KCNIP4: variants seen among roughly 807,000 people sequenced by gnomAD.
KCNIP4 encodes Kv channel-interacting protein 4.
Under a neutral mutation model 34.0 loss-of-function variants are expected in KCNIP4, and 12 were observed. The observed-to-expected ratio is 0.35, with a 90% CI of 0.23 to 0.57. The LOEUF is 0.57. KCNIP4 is among the 20% of genes least tolerant of loss of function. The probability of loss-of-function intolerance (pLI) is 0.83; values close to 1 mark genes in which losing one functional copy is unlikely to be tolerated. For missense variants in KCNIP4, 238 were observed against 311.7 expected, an observed-to-expected ratio of 0.76 and a Z score of 1.78; for synonymous variants, 124 against 102.2, an observed-to-expected ratio of 1.21 and a Z score of -1.29.
intron 1 of KCNIP4, among the ~76,000 whole-genome samples, chr4:21,450,735 T>C (rs947426952): frequency 6.6e-6 from 1 of 152,176 alleles, no homozygotes; most frequent in Admixed American, 6.5e-5. Context: ...AGTGCTTCAG[T>C]TTATCAGTTA....
intron 1 of KCNIP4, among the ~76,000 whole-genome samples, chr4:21,782,003 T>C (rs933372731): frequency 2.6e-5 from 4 of 151,256 alleles, no homozygotes; most frequent in African/African-American, 9.7e-5. Context: ...AATGTTCAAG[T>C]AACCCAAAGA....
At chr4:20,930,497 A>G (rs965260932) in intron 1 of KCNIP4, among the ~76,000 whole-genome samples, 6 of 152,124 alleles carry the variant, frequency 3.9e-5, no homozygotes, top group African/African-American at 1.2e-4. Context: ...TACAGAATCG[A>G]AAATAAATAA....
intron 1 of KCNIP4, among the ~76,000 whole-genome samples, chr4:21,812,037 C>T (rs1721688746): frequency 6.6e-6 from 1 of 152,182 alleles, no homozygotes; most frequent in African/African-American, 2.4e-5. Flanking sequence ...TGGATAAATT[C>T]ATACATGTTT....
chr4:20,978,411 T>C (rs555445620), intron 1 of KCNIP4, among the ~76,000 whole-genome samples: 39 of 152,324 alleles, frequency 2.6e-4, no homozygotes, highest in African/African-American at 8.7e-4. Flanking sequence ...CATAATTTTC[T>C]TCAGTAACTT....
At chr4:21,608,665 A>G (rs558254175) in intron 1 of KCNIP4, 1 of 152,324 alleles carries the variant, frequency 6.6e-6, no homozygotes, top group East Asian at 1.9e-4. Context: ...GTAATATAAC[A>G]TAAAATAGTC....
intron 1 of KCNIP4, among the ~76,000 whole-genome samples, chr4:21,373,044 T>A (rs556130796): frequency 7.8e-6 from 1 of 127,962 alleles, no homozygotes; most frequent in Admixed American, 8.0e-5. Context: ...CATTAATTAG[T>A]CTTAATGGAT....
chr4:21,264,631 T>C (rs1761682489), intron 1 of KCNIP4, among the ~76,000 whole-genome samples: 2 of 152,230 alleles, frequency 1.3e-5, no homozygotes, highest in South Asian at 2.1e-4. Context: ...TATAAAGTTT[T>C]TGGAGCAGTC....
chr4:21,546,317 T>G (rs1738149289), intron 1 of KCNIP4, among the ~76,000 whole-genome samples: 1 of 152,116 alleles, frequency 6.6e-6, no homozygotes, highest in Non-Finnish European at 1.5e-5. Flanking sequence ...CTATCAGGAT[T>G]ACAAGATTTA....
At chr4:21,273,130 G>A (rs1322820381) in intron 1 of KCNIP4, among the ~76,000 whole-genome samples, 2 of 152,058 alleles carry the variant, frequency 1.3e-5, no homozygotes, top group Non-Finnish European at 2.9e-5. Flanking sequence ...CATCAAAAGT[G>A]GAAAAGGACA....
intron 1 of KCNIP4, among the ~76,000 whole-genome samples, chr4:21,055,044 AC>A (rs1743282604): frequency 6.6e-6 from 1 of 152,198 alleles, no homozygotes; most frequent in African/African-American, 2.4e-5. Context: ...TCCAAAGTAT[AC>A]AAAAAACTCT....
chr4:21,445,598 C>A (rs1727910527), intron 1 of KCNIP4, among the ~76,000 whole-genome samples: 1 of 152,192 alleles, frequency 6.6e-6, no homozygotes, highest in Admixed American at 6.5e-5. Flanking sequence ...TGGATCCCTT[C>A]CTTACACCTT....
chr4:21,814,146 G>A (rs976895712), intron 1 of KCNIP4, among the ~76,000 whole-genome samples: 2 of 152,104 alleles, frequency 1.3e-5, no homozygotes, highest in African/African-American at 2.4e-5. Flanking sequence ...TGGGAATCAC[G>A]AGGTTATAAT....
chr4:21,741,808 G>A (rs975442764), intron 1 of KCNIP4, among the ~76,000 whole-genome samples: 3 of 152,066 alleles, frequency 2.0e-5, no homozygotes, highest in Admixed American at 6.6e-5. Context: ...GGAAGCCAAG[G>A]CAGGCAGATC....
At chr4:21,143,316 G>T (rs1237873236) in intron 1 of KCNIP4, among the ~76,000 whole-genome samples, 1 of 152,200 alleles carries the variant, frequency 6.6e-6, no homozygotes, top group African/African-American at 2.4e-5. Flanking sequence ...TTGCTGGTTT[G>T]CAGATAGAGA....
At chr4:21,548,611 T>C (rs189550236) in intron 1 of KCNIP4, among the ~76,000 whole-genome samples, 6 of 152,002 alleles carry the variant, frequency 3.9e-5, no homozygotes, top group African/African-American at 4.8e-5. Flanking sequence ...CATAATCCAA[T>C]TGAATACTCA....
In KCNIP4 at chr4:21,374,549, AT is replaced by A. The variant is rs560627131; in HGVS notation, c.62-491841del. ...TTGGGTGGGGACATAGCTAAATCAT[AT>A]CAGTGAGCTTCATTACAAGTTTTAA... is the stretch of plus-strand genomic sequence containing the variant. On this transcript the variant is annotated intron_variant, in intron 1 of 8. Coordinates refer to ENST00000382152, the MANE Select transcript of KCNIP4 (RefSeq NM_025221.6). Among the ~76,000 whole-genome samples, 3 of 147,504 alleles carry A rather than the reference AT, an allele frequency of 2.0e-5. No homozygotes were observed. The East Asian group carries it at 6.0e-4, about 29-fold the overall frequency.
chr4:21,128,162 A>C (rs558637379), intron 1 of KCNIP4, among the ~76,000 whole-genome samples: 1 of 152,340 alleles, frequency 6.6e-6, no homozygotes, highest in African/African-American at 2.4e-5. Flanking sequence ...TGCAAGGAGA[A>C]ACCAGAACAG....
chr4:21,467,972 C>A (rs1326219056), intron 1 of KCNIP4, among the ~76,000 whole-genome samples: 1 of 152,116 alleles, frequency 6.6e-6, no homozygotes, highest in African/African-American at 2.4e-5. Context: ...CCTGAGAGAT[C>A]CTGCCAGATG....
intron 1 of KCNIP4, among the ~76,000 whole-genome samples, chr4:21,768,543 G>A (rs973660016): frequency 1.3e-5 from 2 of 152,022 alleles, no homozygotes; most frequent in African/African-American, 2.4e-5. Flanking sequence ...GTTTACAAAG[G>A]ATTTCTCACT....
Sources: allele counts gnomAD v4.1 joint callset (sites outside exome capture counted in the v4.1 genomes callset), GRCh38; gene constraint gnomAD v4.1.1; transcripts MANE v1.5; gene names NCBI Gene and HGNC (gene_info 2026-07-23, HGNC 2026-07-21).